Variants in GBP7 observed in about 807,000 individuals in gnomAD.
The protein encoded by GBP7 is guanylate binding protein 7.
In GBP7, 43 loss-of-function variants were observed where a neutral mutation model predicts 61.3. That is an observed-to-expected ratio of 0.70 (90% CI 0.55 to 0.91). The LOEUF (loss-of-function observed/expected upper bound fraction) is 0.91, where lower values mean the gene tolerates loss of function less well. Ranked by LOEUF, GBP7 falls within the 40% of genes least tolerant of loss-of-function variation. GBP7 has a pLI of 0.00. For missense variants in GBP7, 717 were observed against 740.5 expected (o/e 0.97, Z 0.37); for synonymous variants, 267 against 271.0 (o/e 0.99, Z 0.14).
intron 9 of GBP7, among the ~76,000 whole-genome samples, chr1:89,138,564 A>ACTACACACCTAC (rs1468870407): frequency 5.1e-4 from 78 of 152,328 alleles, no homozygotes; most frequent in Non-Finnish European, 3.2e-4. Flanking sequence ...AAAGCTAACA[A>ACTACACACCTAC]AAAAAGCAAT....
chr1:89,168,291 A>C (rs953642188), intron 2 of GBP7, among the ~76,000 whole-genome samples: 2 of 152,210 alleles, frequency 1.3e-5, no homozygotes, highest in Admixed American at 6.5e-5. Flanking sequence ...TCTCCAGTCA[A>C]CTAGGTCTGC....
intron 3 of GBP7, among the ~76,000 whole-genome samples, chr1:89,162,006 G>T (rs897460545): frequency 1.3e-5 from 2 of 149,114 alleles, no homozygotes; most frequent in Non-Finnish European, 3.0e-5. Context: ...TGTTATCCCA[G>T]CACCATTTAT....
chr1:89,141,706 G>A, intron 8 of GBP7, 58 bp from the exon 9 acceptor site: 1 of 1,343,540 alleles, frequency 7.4e-7, no homozygotes, highest in Non-Finnish European at 1.1e-6. Flanking sequence ...GTCTTGTGAT[G>A]AGGAAATTAT....
intron 3 of GBP7, among the ~76,000 whole-genome samples, chr1:89,160,482 C>T (rs1647218470): frequency 6.6e-6 from 1 of 152,152 alleles, no homozygotes; most frequent in Non-Finnish European, 1.5e-5. Context: ...AGCTTGACTG[C>T]TGGTAGCTGT....
At position 89,152,293 on chromosome 1, in the gene GBP7, C is replaced by T. The variant is rs1557459268; in HGVS notation, c.600G>A (p.Leu200=). 6.2e-7 allele frequency: 1 copy of T among 1,613,972 alleles called. No individual in the cohort carries two copies. The highest frequency in any genetic ancestry group is 1.3e-5 in the African/African-American group (1 of 74,912). Residue 200 remains leucine, a synonymous_variant, in exon 5 of 11, where the codon CTG becomes CTA. Coordinates refer to ENST00000294671, the MANE Select transcript of GBP7 (RefSeq NM_207398.3). ...DGHPITEDEY[L]ENALKLISGK... is the part of the protein sequence containing the mutation. ...CTGAAATCAGCTTCAAGGCATTCTCCAGGTACTCATCTTCTGTGATGGGGT... is the reference window on the plus strand; with the variant it reads ...CTGAAATCAGCTTCAAGGCATTCTCTAGGTACTCATCTTCTGTGATGGGGT...
chr1:89,149,527 C>G lies in GBP7; in HGVS notation c.917G>C (p.Gly306Ala). Reference sequence around the variant, plus strand: ...TGCATTCTCCAGACAAGGAGTCGCTCCACTGTTGATGGCATCCAGGTAGGT... The same window carrying G: ...TGCATTCTCCAGACAAGGAGTCGCTGCACTGTTGATGGCATCCAGGTAGGT... ...VETYLDAINSGATPCLENAMA... is the reference protein window; with the variant it reads ...VETYLDAINSAATPCLENAMA... The change falls in exon 7 of 11, where the codon GGA (glycine) becomes GCA (alanine). Residue 306 changes from glycine (G) to alanine (A), a missense_variant. Gly to Ala is a moderately conservative substitution (Grantham distance 60). Around this residue, in one of 3 missense-constraint regions of GBP7, gnomAD observed 387 missense variants for 385.2 expected, o/e 1.00. Transcript: ENST00000294671. The G allele has an allele frequency of 6.2e-7, 1 of 1,614,106 alleles. No individual in the cohort carries two copies. The highest frequency in any genetic ancestry group is 2.2e-5 in the East Asian group (1 of 44,884).
chr1:89,160,997 C>T (rs1224222172), intron 3 of GBP7, among the ~76,000 whole-genome samples: 1 of 152,152 alleles, frequency 6.6e-6, no homozygotes, highest in East Asian at 1.9e-4. Context: ...CATGTGTTCT[C>T]ATCATTTAGC....
chr1:89,152,789 G>GAAAA lies in GBP7; in HGVS notation c.319-16_319-13dup. The GAAAA allele has an allele frequency of 1.5e-5, 19 of 1,247,662 alleles. No individual in the cohort carries two copies. Among genetic ancestry groups the GAAAA allele is most frequent in the Admixed American group, 4.9e-5 (2 of 40,942 alleles). 77.3% of individuals were successfully genotyped at this position (1,247,662 alleles called of 1,614,324 possible). ...CTCTTAGGGTCACTCTAGTGTTAAA[G>GAAAA]AAAAAAAAAAAAAAAATGGAAGCCA... On this transcript the variant is annotated splice_polypyrimidine_tract_variant and intron_variant, in intron 3 of 10. Coordinates refer to ENST00000294671, the MANE Select transcript of GBP7 (RefSeq NM_207398.3).
At position 89,132,300 on chromosome 1, in the gene GBP7, T is replaced by C; in HGVS notation, c.1766A>G (p.Glu589Gly). Reference protein sequence around the residue: ...KEQIEAAENEEPSVFSQILDV... With the variant: ...KEQIEAAENEGPSVFSQILDV... ...AAGAATCTGTGAAAACACTGAGGGCTCTTCATTTTCAGCTGCTTCAATTTG... is the reference window on the plus strand; with the variant it reads ...AAGAATCTGTGAAAACACTGAGGGCCCTTCATTTTCAGCTGCTTCAATTTG... The change falls in exon 11 of 11, where the codon GAG (glutamate) becomes GGG (glycine). Residue 589 changes from glutamate (E) to glycine (G), a missense_variant. Around this residue, in one of 3 missense-constraint regions of GBP7, gnomAD observed 312 missense variants for 310.1 expected, o/e 1.01. Coordinates refer to ENST00000294671, the MANE Select transcript of GBP7 (RefSeq NM_207398.3). 1 of 1,614,016 alleles carries C rather than the reference T, an allele frequency of 6.2e-7. No individual in the cohort carries two copies. The highest frequency in any genetic ancestry group is 8.5e-7 in the Non-Finnish European group (1 of 1,179,952).
chr1:89,145,448 T>C (rs1682043536), intron 8 of GBP7, among the ~76,000 whole-genome samples: 1 of 152,144 alleles, frequency 6.6e-6, no homozygotes, highest in Non-Finnish European at 1.5e-5. Context: ...TGCATATATA[T>C]CACATTTTCT....
intron 9 of GBP7, among the ~76,000 whole-genome samples, chr1:89,140,158 G>A (rs1274566682): frequency 6.6e-6 from 1 of 151,766 alleles, no homozygotes; most frequent in Non-Finnish European, 1.5e-5. Flanking sequence ...GGATGAAACT[G>A]GAAACCATCA....
intron 2 of GBP7, among the ~76,000 whole-genome samples, chr1:89,169,146 T>C (rs1647530017): frequency 1.3e-5 from 2 of 152,204 alleles, no homozygotes; most frequent in Non-Finnish European, 2.9e-5. Context: ...TAAGTTTGGA[T>C]TTAGCTGTCC....
At chr1:89,165,733 A>C (rs1647407297) in intron 2 of GBP7, among the ~76,000 whole-genome samples, 2 of 151,648 alleles carry the variant, frequency 1.3e-5, no homozygotes, top group Admixed American at 1.3e-4. Flanking sequence ...ACACATGGAC[A>C]CAGGGAGGGG....
At chr1:89,152,135 T>C (rs1367711108) in intron 5 of GBP7, 133 bp downstream of exon 5, 2 of 685,186 alleles carry the variant, frequency 2.9e-6, no homozygotes, top group Non-Finnish European at 4.7e-6. Flanking sequence ...TAATCACTTA[T>C]CAATCACCAA....
At chr1:89,136,507 T>C (rs1197268204) in intron 9 of GBP7, among the ~76,000 whole-genome samples, 1 of 151,972 alleles carries the variant, frequency 6.6e-6, no homozygotes, top group Non-Finnish European at 1.5e-5. Context: ...ACAAAGAATA[T>C]CTCTCAAAGC....
chr1:89,139,154 A>G (rs910870497), intron 9 of GBP7, among the ~76,000 whole-genome samples: 3 of 152,172 alleles, frequency 2.0e-5, no homozygotes, highest in African/African-American at 4.8e-5. Flanking sequence ...ATCTACAACC[A>G]TCTGATCTTT....
At chr1:89,158,157 A>G (rs1032947565) in intron 3 of GBP7, among the ~76,000 whole-genome samples, 4 of 152,248 alleles carry the variant, frequency 2.6e-5, no homozygotes, top group Non-Finnish European at 5.9e-5. Context: ...GACAAATTCA[A>G]CAGCCCTTCA....
At chr1:89,158,730 A>G (rs1557462203) in intron 3 of GBP7, among the ~76,000 whole-genome samples, 1 of 152,246 alleles carries the variant, frequency 6.6e-6, no homozygotes, top group Non-Finnish European at 1.5e-5. Context: ...CAAATGGAAG[A>G]GCATTCCATG....
At chr1:89,165,134 T>C (rs1316531836) in intron 2 of GBP7, among the ~76,000 whole-genome samples, 1 of 152,178 alleles carries the variant, frequency 6.6e-6, no homozygotes, top group African/African-American at 2.4e-5. Flanking sequence ...CTGAAGTTAG[T>C]CCCTCCAATC....
Sources: allele counts gnomAD v4.1 joint callset (sites outside exome capture counted in the v4.1 genomes callset), GRCh38; gene constraint gnomAD v4.1.1; regional missense constraint gnomAD v4.1.1; transcripts MANE v1.5; gene names NCBI Gene and HGNC (gene_info 2026-07-23, HGNC 2026-07-21).